Variants in IFFO2 observed in about 807,000 individuals in gnomAD.
The protein encoded by IFFO2 is intermediate filament family orphan 2.
A neutral mutation model predicts 53.5 loss-of-function variants in IFFO2; 19 were observed. The ratio of observed to expected loss-of-function variants is 0.36; its 90% CI spans 0.25 to 0.52. The LOEUF is 0.52. Among genes scored for constraint, IFFO2 ranks in the 20% least tolerant of loss-of-function variants. IFFO2 has a pLI of 0.94. For missense variants in IFFO2, 570 were observed against 727.4 expected (o/e 0.78, Z 2.49); for synonymous variants, 303 against 313.6 (o/e 0.97, Z 0.36).
intron 8 of IFFO2, 126 bp downstream of exon 8, chr1:18,910,216 C>T (rs111314259): frequency 1.4e-4 from 143 of 1,022,454 alleles, no homozygotes; most frequent in South Asian, 9.0e-4. Context: ...GATGGATGGA[C>T]GGACGGACGG....
At chr1:18,925,667 G>C (rs1936273068) in intron 1 of IFFO2, among the ~76,000 whole-genome samples, 1 of 152,272 alleles carries the variant, frequency 6.6e-6, no homozygotes, top group Non-Finnish European at 1.5e-5. Context: ...AGCTGGTTAT[G>C]ATGATCATTC....
chr1:18,914,103 T>C (rs968162343), intron 5 of IFFO2, among the ~76,000 whole-genome samples: 38 of 152,320 alleles, frequency 2.5e-4, no homozygotes, highest in African/African-American at 4.8e-5. Context: ...AGTGCTGGGA[T>C]TACAGGCGTG....
intron 1 of IFFO2, among the ~76,000 whole-genome samples, chr1:18,939,371 C>G (rs1008787105): frequency 2.4e-4 from 36 of 152,350 alleles, no homozygotes; most frequent in Admixed American, 2.2e-3. Context: ...ACCATAGAAA[C>G]AGCATTGCCA....
In IFFO2 at chr1:18,919,221, C is replaced by T. The variant is rs1936179104; in HGVS notation, c.822+457G>A. ...GAGGGGCCCCAGATTGTCAAAAAGA[C>T]ACGCGCACTGGCCTTTCCTGACCTC... On this transcript the variant is annotated intron_variant, in intron 3 of 8. Coordinates refer to ENST00000455833, the MANE Select transcript of IFFO2 (RefSeq NM_001136265.2). The surrounding 1 kb of genome is among the most constrained non-coding windows in gnomAD (Gnocchi z 4.9). Among the ~76,000 whole-genome samples, 1 of 152,188 alleles carries T rather than the reference C, an allele frequency of 6.6e-6. No homozygotes were observed. Among genetic ancestry groups the T allele is most frequent in the Non-Finnish European group, 1.5e-5 (1 of 68,036 alleles).
Position 18,907,352 on chromosome 1 carries a change from T to C in IFFO2, c.*1209A>G, listed in dbSNP as rs1480473913. 6.6e-6 allele frequency: 1 copy of C among 152,130 alleles called. No homozygotes were observed. Among genetic ancestry groups the C allele is most frequent in the African/African-American group, 2.4e-5 (1 of 41,416 alleles). 9.4% of individuals were successfully genotyped at this position (152,130 alleles called of 1,614,324 possible). A position where few individuals can be genotyped will look rare whatever the true frequency, so the allele number is the denominator to read the frequency against. ...AGGGAACTGCTGAGAGCGGCTTGCG[T>C]GTGTCGAGGAGCAGAAAGAGGATGG... is the stretch of plus-strand genomic sequence containing the variant. On this transcript the variant is annotated 3_prime_UTR_variant, in exon 9 of 9. Coordinates refer to ENST00000455833, the MANE Select transcript of IFFO2 (RefSeq NM_001136265.2).
Position 18,908,253 on chromosome 1 carries a change from C to A in IFFO2, c.*308G>T. The A allele has an allele frequency of 2.9e-6, 1 of 342,160 alleles. No individual in the cohort carries two copies. The highest frequency in any genetic ancestry group is 5.6e-6 in the Non-Finnish European group (1 of 177,046). The allele number at this position is 342,160 out of a possible 1,614,324, so 21.2% of individuals were successfully genotyped here. A position where few individuals can be genotyped will look rare whatever the true frequency, so the allele number is the denominator to read the frequency against. On this transcript the variant is annotated 3_prime_UTR_variant, in exon 9 of 9. Coordinates refer to ENST00000455833, the MANE Select transcript of IFFO2 (RefSeq NM_001136265.2). ...AATAATTCTTTGGAGCTCAAAGTGG[C>A]TCAGCTTAAGGGAGAAGGCACAGTT...
chr1:18,918,490 G>A lies in IFFO2; in HGVS notation c.835C>T (p.Leu279=). The change falls in exon 4 of 9, where the codon CTG becomes TTG. Residue 279 remains leucine (L), a synonymous_variant. Transcript: ENST00000455833. The surrounding 1 kb of genome is among the most constrained non-coding windows in gnomAD (Gnocchi z 5.2). Reference sequence around the variant, plus strand: ...GCCTTTTCTTGGATCTTTGTGTCCAGGTCTGTCATGGGCTGCAGGGAGGAC... The same window carrying A: ...GCCTTTTCTTGGATCTTTGTGTCCAAGTCTGTCATGGGCTGCAGGGAGGAC... ...KGLMSDPMTD[L]DTKIQEKAMK... 6.4e-7 allele frequency: 1 copy of A among 1,554,068 alleles called. No individual in the cohort carries two copies. The highest frequency in any genetic ancestry group is 8.7e-7 in the Non-Finnish European group (1 of 1,148,224).
rs985201230 is a variant in IFFO2, at chr1:18,904,432, A to C, written c.*4129T>G. The C allele has an allele frequency of 6.6e-6, 1 of 152,164 alleles. No individual in the cohort carries two copies. Among genetic ancestry groups the C allele is most frequent in the Non-Finnish European group, 1.5e-5 (1 of 68,030 alleles). The allele number at this position is 152,164 out of a possible 1,614,324, so 9.4% of individuals were successfully genotyped here. A position where few individuals can be genotyped will look rare whatever the true frequency, so the allele number is the denominator to read the frequency against. ...ATCCCCCCCTTCCCTGTGATGCTAG[A>C]CCCAGCTGGCAGACAACAGCAACGG... On this transcript the variant is annotated 3_prime_UTR_variant, in exon 9 of 9. Coordinates refer to ENST00000455833, the MANE Select transcript of IFFO2 (RefSeq NM_001136265.2).
In IFFO2 at chr1:18,918,144, C is replaced by T. The variant is rs767049800; in HGVS notation, c.963+218G>A. On this transcript the variant is annotated intron_variant, in intron 4 of 8. Coordinates refer to ENST00000455833, the MANE Select transcript of IFFO2 (RefSeq NM_001136265.2). The surrounding 1 kb of genome is among the most constrained non-coding windows in gnomAD (Gnocchi z 5.2). ...ATCACCCTCTGGGCCTCGGTCTCCCCAGCCATAGGATGAAGCAGTCAGACG... is the reference window on the plus strand; with the variant it reads ...ATCACCCTCTGGGCCTCGGTCTCCCTAGCCATAGGATGAAGCAGTCAGACG... 1.3e-5 allele frequency among the ~76,000 whole-genome samples: 2 copies of T among 152,224 alleles called. No homozygotes were observed. Among genetic ancestry groups the T allele is most frequent in the Admixed American group, 6.5e-5 (1 of 15,286 alleles).
At chr1:18,946,561 C>G (rs1476847815) in intron 1 of IFFO2, among the ~76,000 whole-genome samples, 1 of 151,890 alleles carries the variant, frequency 6.6e-6, no homozygotes, top group Non-Finnish European at 1.5e-5. Flanking sequence ...ATTACAGGTG[C>G]CTGCCACCAT....
In IFFO2 at chr1:18,909,165, G is replaced by A. The variant is rs570717696; in HGVS notation, c.1449-499C>T. Among the ~76,000 whole-genome samples the A allele has an allele frequency of 3.3e-5, 5 of 152,146 alleles. No individual in the cohort carries two copies. The East Asian group carries it at 9.7e-4, about 29-fold the overall frequency. On this transcript the variant is annotated intron_variant, in intron 8 of 8. Coordinates refer to ENST00000455833, the MANE Select transcript of IFFO2 (RefSeq NM_001136265.2). Reference sequence around the variant, plus strand: ...TAACCACACTGGGTTCTGGGGGTTTGAGGAGTTAAAGGTCTGAAAGGCAAG... The same window carrying A: ...TAACCACACTGGGTTCTGGGGGTTTAAGGAGTTAAAGGTCTGAAAGGCAAG...
At chr1:18,939,699 A>G (rs1296052474) in intron 1 of IFFO2, among the ~76,000 whole-genome samples, 4 of 152,154 alleles carry the variant, frequency 2.6e-5, no homozygotes, top group Non-Finnish European at 4.4e-5. Flanking sequence ...GGTACGCAGC[A>G]AGGTAATGGT....
chr1:18,907,079 A>C lies in IFFO2; in HGVS notation c.*1482T>G, dbSNP rs1475654165. 6.6e-6 allele frequency: 1 copy of C among 152,228 alleles called. No individual in the cohort carries two copies. Among genetic ancestry groups the C allele is most frequent in the Non-Finnish European group, 1.5e-5 (1 of 68,046 alleles). 9.4% of individuals were successfully genotyped at this position (152,228 alleles called of 1,614,324 possible). ...CCTCCAGGCAAGGCAGAGGGACCCA[A>C]GTTCTAGTCCTTGGGCACATTTTGC... On this transcript the variant is annotated 3_prime_UTR_variant, in exon 9 of 9. Coordinates refer to ENST00000455833, the MANE Select transcript of IFFO2 (RefSeq NM_001136265.2).
intron 1 of IFFO2, among the ~76,000 whole-genome samples, chr1:18,953,100 T>G (rs961315963): frequency 2.0e-5 from 3 of 152,204 alleles, no homozygotes; most frequent in African/African-American, 7.2e-5. Flanking sequence ...TGGGCATCAT[T>G]GCTTGGAGTT....
chr1:18,951,838 G>C (rs191021519), intron 1 of IFFO2, among the ~76,000 whole-genome samples: 4 of 152,192 alleles, frequency 2.6e-5, no homozygotes, highest in African/African-American at 9.7e-5. Flanking sequence ...GGAAGGGGAA[G>C]CCCAGAACAG....
chr1:18,914,442 G>A (rs1388143202), intron 5 of IFFO2, among the ~76,000 whole-genome samples: 5 of 152,072 alleles, frequency 3.3e-5, no homozygotes, highest in Admixed American at 6.5e-5. Flanking sequence ...GGGATCTCCG[G>A]GACATACAAT....
rs947105540 is a variant in IFFO2, at chr1:18,917,748, G to A, written c.963+614C>T. 2.6e-5 allele frequency among the ~76,000 whole-genome samples: 4 copies of A among 152,016 alleles called. No individual in the cohort carries two copies. The highest frequency in any genetic ancestry group is 2.0e-4 in the East Asian group (1 of 5,056). The stretch of plus-strand genomic sequence containing the variant: ...AGAATGACATGTGCCTCATTCGGCT[G>A]GACTGGCCCCCCAAGCCCTCTCTGG... On this transcript the variant is annotated intron_variant, in intron 4 of 8. Transcript: ENST00000455833. The surrounding 1 kb of genome is among the most constrained non-coding windows in gnomAD (Gnocchi z 5.9).
intron 1 of IFFO2, among the ~76,000 whole-genome samples, chr1:18,943,022 T>C (rs1031697286): frequency 3.3e-5 from 5 of 151,926 alleles, no homozygotes; most frequent in Admixed American, 2.0e-4. Flanking sequence ...TCCTGATGTT[T>C]TAAATGCTAA....
rs570410320 is a variant in IFFO2, at chr1:18,904,953, G to T, written c.*3608C>A. ...ACCACCTGGGACCCGCAAAGGCCCA[G>T]GCTCCAAGGAAGTCGTGTGCTCCCA... On this transcript the variant is annotated 3_prime_UTR_variant, in exon 9 of 9. Coordinates refer to ENST00000455833, the MANE Select transcript of IFFO2 (RefSeq NM_001136265.2). 6.6e-6 allele frequency: 1 copy of T among 152,388 alleles called. No homozygotes were observed. The highest frequency in any genetic ancestry group is 1.9e-4 in the East Asian group (1 of 5,180). The allele number at this position is 152,388 out of a possible 1,614,324, so 9.4% of individuals were successfully genotyped here. A position where few individuals can be genotyped will look rare whatever the true frequency, so the allele number is the denominator to read the frequency against.
Sources: gnomAD v4.1 joint callset for allele counts (sites outside exome capture counted in the v4.1 genomes callset) on GRCh38, gnomAD v4.1.1 for gene constraint, Gnocchi (gnomAD v3.1) non-coding constraint, MANE v1.5 for transcripts, NCBI Gene and HGNC (gene_info 2026-07-23, HGNC 2026-07-21) for gene names.